Variants in KCP observed in about 807,000 individuals in gnomAD.
KCP encodes the protein kielin/chordin-like protein.
In KCP, 194 loss-of-function variants were observed where a neutral mutation model predicts 212.7. The observed-to-expected ratio is 0.91, with a 90% CI of 0.81 to 1.03. The LOEUF is 1.03. Ranked by LOEUF, KCP falls within the 50% of genes least tolerant of loss-of-function variation. The probability of loss-of-function intolerance (pLI) is 0.00; values close to 1 mark genes in which losing one functional copy is unlikely to be tolerated. For missense variants in KCP, 2,080 were observed against 2,162.5 expected, an observed-to-expected ratio of 0.96 and a Z score of 0.76; for synonymous variants, 833 against 865.3, an observed-to-expected ratio of 0.96 and a Z score of 0.65.
In KCP at chr7:128,888,999, C is replaced by T. The variant is rs1793918665; in HGVS notation, c.2376G>A (p.Glu792=). The change falls in exon 22 of 40, where the codon GAG becomes GAA. Residue 792 remains glutamate (E), a synonymous_variant. Transcript: ENST00000610776. ...YLGESYLSNQ[E]FPDPREPCNL... is the part of the protein sequence containing the mutation. The stretch of plus-strand genomic sequence containing the variant: ...TGCAGGGTTCTCGGGGGTCTGGGAA[C>T]TCCTGGTTACTCAGGTAGGACTCCC... The T allele has an allele frequency of 1.3e-6, 2 of 1,532,316 alleles. No homozygotes were observed. Among genetic ancestry groups the T allele is most frequent in the African/African-American group, 1.4e-5 (1 of 71,850 alleles). The allele number at this position is 1,532,316 out of a possible 1,614,324, so 94.9% of individuals were successfully genotyped here. A position where few individuals can be genotyped will look rare whatever the true frequency, so the allele number is the denominator to read the frequency against.
Position 128,879,719 on chromosome 7 carries a change from G to A in KCP, c.4043C>T (p.Thr1348Met), listed in dbSNP as rs546514531. Residue 1348 changes from threonine to methionine, a missense_variant and splice_region_variant, in exon 36 of 40, where the codon ACG (threonine) becomes ATG (methionine). Thr to Met is a moderately conservative substitution (Grantham distance 81). Transcript: ENST00000610776. ...AVRLLQDGAVTVDGHPVALPF... is the reference protein window; with the variant it reads ...AVRLLQDGAVMVDGHPVALPF... Reference sequence around the variant, plus strand: ...CCTCCACTCCTCGGCTTTGCTCACCGTGACTGCCCCGTCCTGCAGCAGCCG... The same window carrying A: ...CCTCCACTCCTCGGCTTTGCTCACCATGACTGCCCCGTCCTGCAGCAGCCG... 4.8e-5 allele frequency: 74 copies of A among 1,550,084 alleles called. No individual in the cohort carries two copies. The highest frequency in any genetic ancestry group is 1.1e-4 in the South Asian group (9 of 84,060).
At chr7:128,889,462 G>C (rs1276239859) in intron 21 of KCP, among the ~76,000 whole-genome samples, 2 of 152,162 alleles carry the variant, frequency 1.3e-5, no homozygotes, top group Non-Finnish European at 2.9e-5. Flanking sequence ...GGAAGGGGTG[G>C]GGTCCCAGGG....
In KCP at chr7:128,893,151, G is replaced by A. The variant is rs776412969; in HGVS notation, c.1267+87C>T. The A allele has an allele frequency of 5.0e-5, 67 of 1,353,288 alleles. 1 individual carries two copies. The highest frequency in any genetic ancestry group is 5.9e-5 in the Non-Finnish European group (57 of 972,014). The allele number at this position is 1,353,288 out of a possible 1,614,324, so 83.8% of individuals were successfully genotyped here. A position where few individuals can be genotyped will look rare whatever the true frequency, so the allele number is the denominator to read the frequency against. On this transcript the variant is annotated intron_variant, in intron 13 of 39. Transcript: ENST00000610776. ...GAATGGCTAGTGGACTTAGCAACCC[G>A]TACCCCGTCCTGGGAAGGAGCACCC...
At chr7:128,906,111 G>GA (rs1263701403) in intron 5 of KCP, among the ~76,000 whole-genome samples, 168 bp downstream of exon 5, 2 of 152,230 alleles carry the variant, frequency 1.3e-5, no homozygotes, top group Non-Finnish European at 2.9e-5. Flanking sequence ...TCCCAGGCCA[G>GA]AGCCAGTATT....
intron 29 of KCP, among the ~76,000 whole-genome samples, chr7:128,883,730 T>G (rs1244030903): frequency 1.2e-4 from 19 of 152,222 alleles, no homozygotes. Context: ...CCTGCCTGCC[T>G]GGGCCTCACG....
rs542315152 is a variant in KCP, at chr7:128,888,010, C to T, written c.2513-710G>A. Among the ~76,000 whole-genome samples, 462 of 148,022 alleles carry T rather than the reference C, an allele frequency of 3.1e-3. 1 individual carries two copies. The highest frequency in any genetic ancestry group is 0.011 in the African/African-American group (449 of 39,824). On this transcript the variant is annotated intron_variant, in intron 22 of 39. Coordinates refer to ENST00000610776, the MANE Select transcript of KCP (RefSeq NM_001366122.1). Reference sequence around the variant, plus strand: ...ACACAGAGACCCCCCCACATACACACCCACACACAGCCACACACACACATA... The same window carrying T: ...ACACAGAGACCCCCCCACATACACATCCACACACAGCCACACACACACATA...
intron 29 of KCP, among the ~76,000 whole-genome samples, chr7:128,882,755 A>AAAAC (rs10611826): frequency 1.9e-4 from 29 of 151,736 alleles, no homozygotes; most frequent in East Asian, 1.4e-3. Flanking sequence ...ACCACCATAA[A>AAAAC]AAACAAACAA....
At chr7:128,885,382 G>A in intron 26 of KCP, 112 bp from the exon 27 acceptor site, 1 of 1,082,818 alleles carries the variant, frequency 9.2e-7, no homozygotes, top group South Asian at 1.5e-5. Context: ...TGAGTTTGCA[G>A]GGATATGGCG....
intron 5 of KCP, among the ~76,000 whole-genome samples, chr7:128,905,803 C>A (rs1299068901): frequency 1.3e-5 from 2 of 151,982 alleles, no homozygotes; most frequent in South Asian, 2.1e-4. Context: ...CCCAGAGGAA[C>A]CTCACGTACT....
rs1347491205 is a variant in KCP at position 128,890,348 on chromosome 7, C to G, written c.2330G>C (p.Cys777Ser). ...CCCTATCCCATGACCCTCACCATCA[C>G]AGTCAGGGCAGCAGTCGCCCCTGGC... ...FPARGDCCPDCDGCEYLGESY... is the reference protein window; with the variant it reads ...FPARGDCCPDSDGCEYLGESY... Residue 777 changes from cysteine (C) to serine (S), a missense_variant, in exon 21 of 40, where the codon TGT becomes TCT. Coordinates refer to ENST00000610776, the MANE Select transcript of KCP (RefSeq NM_001366122.1). 1.3e-6 allele frequency: 2 copies of G among 1,551,492 alleles called. No homozygotes were observed. The highest frequency in any genetic ancestry group is 4.9e-5 in the East Asian group (2 of 40,920).
At chr7:128,893,497 G>A (rs373584216) in intron 11 of KCP, 21 bp from the exon 12 acceptor site, 44 of 1,510,212 alleles carry the variant, frequency 2.9e-5, no homozygotes, top group East Asian at 1.2e-4. Flanking sequence ...TGACAGGGGC[G>A]TGGGGGTATA....
rs1358866476 is a variant in KCP at position 128,890,602 on chromosome 7, G to T, written c.2165-89C>A. On this transcript the variant is annotated intron_variant, in intron 20 of 39. Transcript: ENST00000610776. The stretch of plus-strand genomic sequence containing the variant: ...GTGGGGTTGAGGGGCGTGGAGGACG[G>T]GTGTCGTGGGGGCCGTGGGGGCTGG... 6.2e-6 allele frequency: 7 copies of T among 1,121,976 alleles called. No individual in the cohort carries two copies. In the East Asian group the frequency reaches 1.3e-4, roughly 21 times the overall value. The allele number at this position is 1,121,976 out of a possible 1,614,324, so 69.5% of individuals were successfully genotyped here.
intron 16 of KCP, among the ~76,000 whole-genome samples, chr7:128,892,257 G>T (rs948676212): frequency 6.7e-6 from 1 of 149,938 alleles, no homozygotes; most frequent in Non-Finnish European, 1.5e-5. Flanking sequence ...GCGTGGTGGG[G>T]CGGGGGGCAG....
At chr7:128,899,425 T>C (rs551635732) in intron 8 of KCP, among the ~76,000 whole-genome samples, 1 of 152,298 alleles carries the variant, frequency 6.6e-6, no homozygotes, top group African/African-American at 2.4e-5. Flanking sequence ...ACTTTGGAGA[T>C]TGTGACATCA....
intron 22 of KCP, 27 bp downstream of exon 22, chr7:128,888,836 G>T: frequency 1.3e-6 from 2 of 1,541,950 alleles, no homozygotes; most frequent in Non-Finnish European, 1.7e-6. Context: ...CCCAGCAGGG[G>T]GAATGGAAGG....
In KCP at chr7:128,890,499, C is replaced by T; in HGVS notation, c.2179G>A (p.Gly727Arg). Residue 727 changes from glycine to arginine, a missense_variant, in exon 21 of 40, where the codon GGG becomes AGG. Transcript: ENST00000610776. ...CPSCDGCLYQ[G>R]KEFASGERFP... is the part of the protein sequence containing the mutation. ...CGCTCCCCGCTGGCAAACTCCTTCC[C>T]CTGGTACAGGCAGCCTGGGGAGAAG... 1 of 1,549,222 alleles carries T rather than the reference C, an allele frequency of 6.5e-7. No individual in the cohort carries two copies. Among genetic ancestry groups the T allele is most frequent in the Non-Finnish European group, 8.7e-7 (1 of 1,146,574 alleles).
chr7:128,890,528 A>AG lies in KCP; in HGVS notation c.2165-16dup. 2.1e-6 allele frequency: 3 copies of AG among 1,458,710 alleles called. No homozygotes were observed. Among genetic ancestry groups the AG allele is most frequent in the Non-Finnish European group, 1.8e-6 (2 of 1,093,712 alleles). The allele number at this position is 1,458,710 out of a possible 1,614,324, so 90.4% of individuals were successfully genotyped here. A position where few individuals can be genotyped will look rare whatever the true frequency, so the allele number is the denominator to read the frequency against. ...GTACAGGCAGCCTGGGGAGAAGGGC[A>AG]GGGGCTGGGGGGCCGTGGGGACTAG... On this transcript the variant is annotated splice_polypyrimidine_tract_variant and intron_variant, in intron 20 of 39. Transcript: ENST00000610776.
intron 5 of KCP, among the ~76,000 whole-genome samples, chr7:128,905,811 A>C (rs1795094554): frequency 6.6e-6 from 1 of 151,034 alleles, no homozygotes; most frequent in Admixed American, 6.6e-5. Flanking sequence ...AACCTCACGT[A>C]CTCCCTCTCC....
intron 4 of KCP, 34 bp downstream of exon 4, chr7:128,907,067 G>A: frequency 1.3e-6 from 2 of 1,542,186 alleles, no homozygotes; most frequent in South Asian, 1.2e-5. Context: ...AGGCAGACAG[G>A]TGAGGGATAT....
Sources: gnomAD v4.1 joint callset for allele counts (sites outside exome capture counted in the v4.1 genomes callset) on GRCh38, gnomAD v4.1.1 for gene constraint, MANE v1.5 for transcripts, NCBI Gene and HGNC (gene_info 2026-07-23, HGNC 2026-07-21) for gene names.